CDH13: variants seen among roughly 807,000 people sequenced by gnomAD.
The protein encoded by CDH13 is cadherin-13.
In CDH13, 24 loss-of-function variants were observed where a neutral mutation model predicts 63.8. The ratio of observed to expected loss-of-function variants is 0.38; its 90% CI spans 0.27 to 0.53. The LOEUF is 0.53. CDH13 is among the 20% of genes least tolerant of loss of function. The probability of loss-of-function intolerance (pLI) is 0.85; values close to 1 mark genes in which losing one functional copy is unlikely to be tolerated. For synonymous variants in CDH13, 503 were observed against 355.3 expected (o/e 1.42, Z -4.67); for missense variants, 1,049 against 903.1 (o/e 1.16, Z -2.07).
intron 1 of CDH13, among the ~76,000 whole-genome samples, chr16:82,709,433 C>G (rs1385446256): frequency 6.6e-6 from 1 of 152,114 alleles, no homozygotes; most frequent in Non-Finnish European, 1.5e-5. Flanking sequence ...TTTAATGGTT[C>G]CAATCAGGGG....
At chr16:82,814,020 G>A (rs958443737) in intron 1 of CDH13, among the ~76,000 whole-genome samples, 2 of 152,052 alleles carry the variant, frequency 1.3e-5, no homozygotes, top group East Asian at 3.9e-4. Flanking sequence ...GCTGTGCTTG[G>A]CTGTGGAGTC....
At chr16:83,176,485 G>C (rs766383514) in intron 4 of CDH13, among the ~76,000 whole-genome samples, 61 of 143,400 alleles carry the variant, frequency 4.3e-4, no homozygotes, top group Non-Finnish European at 8.1e-4. Context: ...ACTCCAGCCT[G>C]GGTGACAGAG....
chr16:83,466,140 C>T (rs530170408), intron 6 of CDH13, among the ~76,000 whole-genome samples: 88 of 152,330 alleles, frequency 5.8e-4, no homozygotes, highest in Middle Eastern at 6.8e-3. Flanking sequence ...ACCCATCACC[C>T]GTCCTAGCTG....
At chr16:82,875,509 C>T (rs2040474426) in intron 2 of CDH13, among the ~76,000 whole-genome samples, 1 of 152,160 alleles carries the variant, frequency 6.6e-6, no homozygotes, top group Non-Finnish European at 1.5e-5. Context: ...AATGGGAACT[C>T]ATAGAATTAG....
chr16:83,108,514 A>C (rs2034895211), intron 3 of CDH13, among the ~76,000 whole-genome samples: 2 of 152,184 alleles, frequency 1.3e-5, no homozygotes, highest in African/African-American at 2.4e-5. Flanking sequence ...CCACAGAAAC[A>C]AGAGAGGCCA....
At chr16:83,427,573 C>G (rs556110583) in intron 6 of CDH13, among the ~76,000 whole-genome samples, 2 of 152,282 alleles carry the variant, frequency 1.3e-5, no homozygotes, top group South Asian at 4.2e-4. Context: ...TTTTAAGTCA[C>G]TAAGATGGTA....
intron 3 of CDH13, among the ~76,000 whole-genome samples, chr16:83,084,397 C>T (rs1031136930): frequency 3.9e-5 from 6 of 152,082 alleles, no homozygotes; most frequent in South Asian, 2.1e-4. Flanking sequence ...GTTTAAATGC[C>T]CTGGGCAGCT....
At chr16:83,173,656 T>G (rs947493001) in intron 4 of CDH13, among the ~76,000 whole-genome samples, 8 of 152,164 alleles carry the variant, frequency 5.3e-5, no homozygotes, top group Non-Finnish European at 1.2e-4. Flanking sequence ...GCGTTCTGTA[T>G]TTTTATTTGC....
At chr16:83,599,505 C>T (rs1353007493) in intron 7 of CDH13, among the ~76,000 whole-genome samples, 1 of 152,114 alleles carries the variant, frequency 6.6e-6, no homozygotes, top group African/African-American at 2.4e-5. Context: ...CAGTCAAAAA[C>T]AAACCAAAAA....
intron 3 of CDH13, among the ~76,000 whole-genome samples, chr16:83,049,781 CTG>C (rs2030083657): frequency 6.6e-6 from 1 of 152,142 alleles, no homozygotes; most frequent in South Asian, 2.1e-4. Flanking sequence ...GCTTTTTTGA[CTG>C]TTATGAACAA....
At chr16:83,135,279 C>T (rs2036231568) in intron 4 of CDH13, among the ~76,000 whole-genome samples, 1 of 152,190 alleles carries the variant, frequency 6.6e-6, no homozygotes, top group Admixed American at 6.5e-5. Context: ...AATGCTGAGA[C>T]CCAAAACCAA....
chr16:83,025,923 A>T (rs1164165260), intron 2 of CDH13, among the ~76,000 whole-genome samples: 1 of 152,152 alleles, frequency 6.6e-6, no homozygotes, highest in Non-Finnish European at 1.5e-5. Flanking sequence ...GCAACTCAGC[A>T]CAGTTGTATC....
intron 7 of CDH13, among the ~76,000 whole-genome samples, chr16:83,546,087 G>C (rs896779708): frequency 1.6e-4 from 25 of 152,200 alleles, no homozygotes; most frequent in African/African-American, 5.8e-4. Context: ...GAGTGAAATT[G>C]GCAGAGTGAA....
intron 4 of CDH13, among the ~76,000 whole-genome samples, chr16:83,183,279 G>T (rs1334015323): frequency 6.6e-6 from 1 of 152,166 alleles, no homozygotes; most frequent in Non-Finnish European, 1.5e-5. Context: ...ATAGCTTTTG[G>T]CTATTGTCTG....
At chr16:83,471,493 C>T (rs2073451740) in intron 6 of CDH13, among the ~76,000 whole-genome samples, 1 of 152,164 alleles carries the variant, frequency 6.6e-6, no homozygotes, top group South Asian at 2.1e-4. Flanking sequence ...CCAGGCTGGT[C>T]TTGAACTTCT....
rs576017176 is a variant in CDH13 at position 83,413,817 on chromosome 16, G to C, written c.781+68811G>C. ...AGCCTGGCCAACATGGTAAAACCCCGTCTCTACTAAAACTACAAAAAAAAT... is the reference window on the plus strand; with the variant it reads ...AGCCTGGCCAACATGGTAAAACCCCCTCTCTACTAAAACTACAAAAAAAAT... On this transcript the variant is annotated intron_variant, in intron 6 of 13. Transcript: ENST00000567109. 5.3e-5 allele frequency among the ~76,000 whole-genome samples: 8 copies of C among 152,034 alleles called. No homozygotes were observed. The East Asian group carries it at 1.2e-3, about 22-fold the overall frequency.
chr16:82,777,199 C>A (rs1167090628), intron 1 of CDH13, among the ~76,000 whole-genome samples: 1 of 152,156 alleles, frequency 6.6e-6, no homozygotes, highest in Non-Finnish European at 1.5e-5. Context: ...CAACTCCTGG[C>A]CTCAAGCAAT....
At chr16:83,620,535 A>G (rs941777530) in intron 8 of CDH13, among the ~76,000 whole-genome samples, 8 of 152,286 alleles carry the variant, frequency 5.3e-5, no homozygotes, top group Admixed American at 2.6e-4. Flanking sequence ...CCCAACACCT[A>G]TGTCCTTCAC....
At chr16:83,405,206 C>G (rs577731679) in intron 6 of CDH13, among the ~76,000 whole-genome samples, 2 of 152,138 alleles carry the variant, frequency 1.3e-5, no homozygotes, top group African/African-American at 4.8e-5. Flanking sequence ...TATGGATATA[C>G]TAGCTGTGTA....
Sources: gnomAD v4.1 joint callset for allele counts (sites outside exome capture counted in the v4.1 genomes callset) on GRCh38, gnomAD v4.1.1 for gene constraint, MANE v1.5 for transcripts, NCBI Gene and HGNC (gene_info 2026-07-23, HGNC 2026-07-21) for gene names.